TLCD4: variants seen among roughly 807,000 people sequenced by gnomAD.
TLCD4 encodes TLC domain-containing protein 4.
Under a neutral mutation model 24.2 loss-of-function variants are expected in TLCD4, and 7 were observed. The observed-to-expected ratio is 0.29, with a 90% confidence interval of 0.16 to 0.54. TLCD4 has a LOEUF of 0.54. Among genes scored for constraint, TLCD4 ranks in the 20% least tolerant of loss-of-function variants. The pLI is 0.95. For missense variants in TLCD4, 259 were observed against 313.9 expected (o/e 0.82, Z 1.32); for synonymous variants, 103 against 106.4 (o/e 0.97, Z 0.20).
intron 6 of TLCD4, among the ~76,000 whole-genome samples, chr1:95,188,374 C>A (rs1396717313): frequency 8.3e-6 from 1 of 119,910 alleles, no homozygotes; most frequent in Non-Finnish European, 1.6e-5. Flanking sequence ...GGCGACAGAG[C>A]GAGACTCCGT....
the TLCD4 span, among the ~76,000 whole-genome samples, chr1:95,104,707 C>T: frequency 9.7e-4 from 130 of 133,368 alleles, no homozygotes; most frequent in Non-Finnish European, 1.7e-3. Flanking sequence ...ATCTACTGAA[C>T]ATCATAGCTT....
the TLCD4 span, among the ~76,000 whole-genome samples, chr1:95,106,182 G>C: frequency 6.6e-6 from 1 of 152,024 alleles, no homozygotes; most frequent in Non-Finnish European, 1.5e-5. Flanking sequence ...AATGTTAAGA[G>C]GTAAAGTGAG....
intron 1 of TLCD4, among the ~76,000 whole-genome samples, chr1:95,133,012 A>G (rs950969112): frequency 2.0e-5 from 3 of 152,188 alleles, no homozygotes; most frequent in African/African-American, 4.8e-5. Flanking sequence ...AGAAATGATG[A>G]CAGAATACAG....
At chr1:95,123,067 C>T (rs1676613800) in intron 1 of TLCD4, among the ~76,000 whole-genome samples, 1 of 151,938 alleles carries the variant, frequency 6.6e-6, no homozygotes, top group African/African-American at 2.4e-5. Context: ...CCTTGGTATC[C>T]CAAAGTGCTG....
At chr1:95,179,367 G>A (rs919669768) in intron 6 of TLCD4, among the ~76,000 whole-genome samples, 6 of 152,186 alleles carry the variant, frequency 3.9e-5, no homozygotes, top group African/African-American at 1.2e-4. Flanking sequence ...GGCCAGACCC[G>A]CTGCCTGTTT....
intron 5 of TLCD4, among the ~76,000 whole-genome samples, chr1:95,169,635 ATTTTTTT>A (rs35581795): frequency 6.6e-6 from 1 of 151,786 alleles, no homozygotes; most frequent in African/African-American, 2.4e-5. Flanking sequence ...ATACTTCATG[ATTTTTTT>A]TTTATTTTTA....
chr1:95,162,557 G>T (rs572564042), intron 5 of TLCD4, among the ~76,000 whole-genome samples: 1 of 152,126 alleles, frequency 6.6e-6, no homozygotes, highest in Non-Finnish European at 1.5e-5. Flanking sequence ...ATGTTAGCTG[G>T]TTATTTTGCC....
At chr1:95,143,305 C>T (rs1310215970) in intron 1 of TLCD4, among the ~76,000 whole-genome samples, 2 of 152,140 alleles carry the variant, frequency 1.3e-5, no homozygotes, top group African/African-American at 2.4e-5. Flanking sequence ...ACCCTATTGT[C>T]TTGCCTCAAC....
intron 5 of TLCD4, among the ~76,000 whole-genome samples, chr1:95,161,334 G>A (rs1465067601): frequency 2.0e-5 from 3 of 152,110 alleles, no homozygotes; most frequent in Non-Finnish European, 4.4e-5. Context: ...GCATGTCTGT[G>A]GGATCAGTAG....
intron 1 of TLCD4, among the ~76,000 whole-genome samples, chr1:95,122,094 T>G (rs1309867997): frequency 6.6e-6 from 1 of 152,222 alleles, no homozygotes; most frequent in African/African-American, 2.4e-5. Context: ...GCTGGCGTGG[T>G]GGCTCACGCC....
At chr1:95,112,530 A>T (rs1037136369), upstream of TLCD4, among the ~76,000 whole-genome samples, 3 of 152,358 alleles carry the variant, frequency 2.0e-5, 1 homozygote, top group African/African-American at 7.2e-5. Context: ...AGATTCTAGA[A>T]AGAAAAATAG....
chr1:95,177,951 GT>G (rs202047214), intron 6 of TLCD4, among the ~76,000 whole-genome samples: 26,768 of 110,324 alleles, frequency 0.24, 1,377 homozygotes, highest in Admixed American at 0.29. Context: ...TTTTTTTTTT[GT>G]TTTTTTTTGT....
intron 6 of TLCD4, among the ~76,000 whole-genome samples, chr1:95,174,572 T>C (rs185005458): frequency 6.6e-6 from 1 of 151,494 alleles, no homozygotes; most frequent in Admixed American, 6.6e-5. Context: ...CCTGTAGTTC[T>C]AGCTGTTTGG....
Position 95,124,114 on chromosome 1 carries a change from G to A in TLCD4, c.-12+6497G>A, listed in dbSNP as rs575895114. On this transcript the variant is annotated intron_variant, in intron 1 of 6. Transcript: ENST00000370203. Reference sequence around the variant, plus strand: ...ATGCACATTGACTATAGTATCTTTAGTTTTATTTATATTCCCCTTTGTTTC... The same window carrying A: ...ATGCACATTGACTATAGTATCTTTAATTTTATTTATATTCCCCTTTGTTTC... Among the ~76,000 whole-genome samples the A allele has an allele frequency of 1.8e-4, 28 of 152,226 alleles. No homozygotes were observed. In the South Asian group the frequency reaches 4.6e-3, roughly 25 times the overall value.
At chr1:95,136,408 A>C (rs1166436865) in intron 1 of TLCD4, among the ~76,000 whole-genome samples, 1 of 152,172 alleles carries the variant, frequency 6.6e-6, no homozygotes, top group Non-Finnish European at 1.5e-5. Flanking sequence ...ATTTGGATTC[A>C]TTATTTCAGC....
chr1:95,098,628 A>G, the TLCD4 span, among the ~76,000 whole-genome samples: 1 of 152,082 alleles, frequency 6.6e-6, no homozygotes, highest in Non-Finnish European at 1.5e-5. Flanking sequence ...ATCTCTCTGG[A>G]TTTTGATTCT....
intron 3 of TLCD4, among the ~76,000 whole-genome samples, chr1:95,149,282 T>C (rs10157405): frequency 0.15 from 23,453 of 152,190 alleles, 1,969 homozygotes; most frequent in Non-Finnish European, 0.18. Context: ...CTGTGTTCAG[T>C]AGTAATAGGA....
chr1:95,116,302 C>T (rs1676428798), upstream of TLCD4, among the ~76,000 whole-genome samples: 1 of 152,112 alleles, frequency 6.6e-6, no homozygotes, highest in Non-Finnish European at 1.5e-5. Flanking sequence ...TGACAGAATT[C>T]CAGGTTCTGA....
At chr1:95,113,029 T>TTTTTC (rs1366912858), upstream of TLCD4, among the ~76,000 whole-genome samples, 28 of 151,750 alleles carry the variant, frequency 1.8e-4, no homozygotes, top group South Asian at 4.8e-3. Flanking sequence ...GCTACATTTC[T>TTTTTC]TTTTCTTTTC....
Sources: allele counts gnomAD v4.1 joint callset (sites outside exome capture counted in the v4.1 genomes callset), GRCh38; gene constraint gnomAD v4.1.1; transcripts MANE v1.5; gene names NCBI Gene and HGNC (gene_info 2026-07-23, HGNC 2026-07-21).